Variants in SEPTIN10 observed in about 807,000 individuals in gnomAD.
SEPTIN10 encodes the protein septin 10.
A neutral mutation model predicts 54.8 loss-of-function variants in SEPTIN10; 66 were observed. The ratio of observed to expected loss-of-function variants is 1.21; its 90% CI spans 0.99 to 1.48. The LOEUF is 1.48. Among genes scored for constraint, SEPTIN10 ranks in the 40% most tolerant of loss-of-function variants. The pLI is 0.00. For missense variants in SEPTIN10, 620 were observed against 545.6 expected (o/e 1.14, Z -1.36); for synonymous variants, 161 against 181.0 (o/e 0.89, Z 0.89).
chr2:109,546,592 T>G (rs1406368880), intron 9 of SEPTIN10, among the ~76,000 whole-genome samples: 1 of 151,958 alleles, frequency 6.6e-6, no homozygotes, highest in Non-Finnish European at 1.5e-5. Context: ...ATGCAAAGTA[T>G]AGAAAGAAAT....
At chr2:109,589,321 C>A (rs540733427) in intron 2 of SEPTIN10, among the ~76,000 whole-genome samples, 1 of 151,932 alleles carries the variant, frequency 6.6e-6, no homozygotes, top group Non-Finnish European at 1.5e-5. Context: ...TTACTTGAGG[C>A]CAGGAGTTTG....
chr2:109,559,445 C>T (rs1284846038), intron 8 of SEPTIN10, among the ~76,000 whole-genome samples: 2 of 152,176 alleles, frequency 1.3e-5, no homozygotes, highest in Non-Finnish European at 2.9e-5. Context: ...TGCTCCCACC[C>T]AGTCCGTAGC....
chr2:109,613,773 G>A (rs1228331309), intron 1 of SEPTIN10, 25 bp downstream of exon 1: 26 of 1,217,426 alleles, frequency 2.1e-5, no homozygotes, highest in Non-Finnish European at 2.6e-5. Flanking sequence ...CGCGGGGCTG[G>A]GGCCCCGGCG....
intron 1 of SEPTIN10, among the ~76,000 whole-genome samples, chr2:109,609,058 A>C (rs1698647359): frequency 6.6e-6 from 1 of 152,218 alleles, no homozygotes; most frequent in African/African-American, 2.4e-5. Context: ...TCAATCAATC[A>C]ATCAATTAAT....
chr2:109,608,771 T>TA (rs888944726), intron 1 of SEPTIN10, among the ~76,000 whole-genome samples: 9 of 151,718 alleles, frequency 5.9e-5, no homozygotes, highest in Non-Finnish European at 1.3e-4. Flanking sequence ...ATACAAATCC[T>TA]AAAAAAAAAT....
At chr2:109,561,280 G>C (rs992410284) in intron 8 of SEPTIN10, among the ~76,000 whole-genome samples, 3 of 152,022 alleles carry the variant, frequency 2.0e-5, no homozygotes, top group Non-Finnish European at 1.5e-5. Context: ...AGTTACTACA[G>C]CTCAAAATAG....
At chr2:109,609,342 AAT>A (rs1698717028) in intron 1 of SEPTIN10, among the ~76,000 whole-genome samples, 3 of 79,212 alleles carry the variant, frequency 3.8e-5, no homozygotes. Context: ...TACAAAGAAT[AAT>A]ACAGGTTGCT....
At chr2:109,577,250 T>C (rs1219588368) in intron 4 of SEPTIN10, among the ~76,000 whole-genome samples, 1 of 152,182 alleles carries the variant, frequency 6.6e-6, no homozygotes, top group Admixed American at 6.5e-5. Context: ...TTTTGGTTAA[T>C]AGATGGTAAT....
intron 6 of SEPTIN10, among the ~76,000 whole-genome samples, chr2:109,566,493 T>C (rs73953161): frequency 0.039 from 5,877 of 152,156 alleles, 398 homozygotes; most frequent in African/African-American, 0.13. Flanking sequence ...AAATTACACA[T>C]ACACACACCC....
intron 9 of SEPTIN10, among the ~76,000 whole-genome samples, chr2:109,551,163 C>G (rs1253295720): frequency 6.6e-6 from 1 of 152,170 alleles, no homozygotes; most frequent in Non-Finnish European, 1.5e-5. Flanking sequence ...TGTGCATCTC[C>G]CCATTCTAGT....
At chr2:109,593,200 G>A in intron 1 of SEPTIN10, 81 bp from the exon 2 acceptor site, 1 of 860,862 alleles carries the variant, frequency 1.2e-6, no homozygotes, top group Non-Finnish European at 1.8e-6. Flanking sequence ...ATATTTACAT[G>A]AATAAGGTGT....
In SEPTIN10 at chr2:109,613,828, G is replaced by A; in HGVS notation, c.-1C>T. 8.1e-7 allele frequency: 1 copy of A among 1,237,410 alleles called. No individual in the cohort carries two copies. The highest frequency in any genetic ancestry group is 1.0e-6 in the Non-Finnish European group (1 of 991,900). The allele number at this position is 1,237,410 out of a possible 1,614,324, so 76.7% of individuals were successfully genotyped here. ...GCCGCGCCACCTCGGAGGAGGCCATGGTCGCGGGCAGGGGCACGGTGAAGC... is the reference window on the plus strand; with the variant it reads ...GCCGCGCCACCTCGGAGGAGGCCATAGTCGCGGGCAGGGGCACGGTGAAGC... On this transcript the variant is annotated 5_prime_UTR_variant, in exon 1 of 11. Coordinates refer to ENST00000397712, the MANE Select transcript of SEPTIN10 (RefSeq NM_144710.5).
intron 4 of SEPTIN10, among the ~76,000 whole-genome samples, chr2:109,580,642 A>G (rs552211644): frequency 6.6e-6 from 1 of 152,332 alleles, no homozygotes; most frequent in African/African-American, 2.4e-5. Context: ...AAGAAAAATA[A>G]AGCCTGTCTT....
intron 1 of SEPTIN10, among the ~76,000 whole-genome samples, chr2:109,596,542 A>G (rs1695354767): frequency 6.6e-6 from 1 of 151,960 alleles, no homozygotes; most frequent in Non-Finnish European, 1.5e-5. Flanking sequence ...GCGTGAACCC[A>G]GGAGGCAGAG....
At position 109,542,952 on chromosome 2, in the gene SEPTIN10, G is replaced by T. The variant is rs1680345251; in HGVS notation, c.*1357C>A. The T allele has an allele frequency of 6.6e-6, 1 of 152,550 alleles. No individual in the cohort carries two copies. The allele number at this position is 152,550 out of a possible 1,614,324, so 9.4% of individuals were successfully genotyped here. On this transcript the variant is annotated 3_prime_UTR_variant, in exon 11 of 11. Transcript: ENST00000397712. Reference sequence around the variant, plus strand: ...ATAATTAAATGAACGTTTTTAAAATGAGAGTTTTCAGAAAGGAAAATTAAA... The same window carrying T: ...ATAATTAAATGAACGTTTTTAAAATTAGAGTTTTCAGAAAGGAAAATTAAA...
At chr2:109,573,031 T>C (rs996415539) in intron 5 of SEPTIN10, among the ~76,000 whole-genome samples, 4 of 152,226 alleles carry the variant, frequency 2.6e-5, no homozygotes, top group Admixed American at 6.5e-5. Context: ...TTAGATAATA[T>C]ATACTTACAC....
intron 5 of SEPTIN10, among the ~76,000 whole-genome samples, chr2:109,570,384 G>A (rs1226994143): frequency 2.0e-5 from 3 of 152,000 alleles, no homozygotes; most frequent in African/African-American, 7.3e-5. Context: ...CATCATCTGT[G>A]GGTTCTGCAT....
Position 109,577,540 on chromosome 2 carries a change from C to T in SEPTIN10, c.414-2773G>A, listed in dbSNP as rs560787485. Among the ~76,000 whole-genome samples, 105 of 150,832 alleles carry T rather than the reference C, an allele frequency of 7.0e-4. 1 individual carries two copies. The highest frequency in any genetic ancestry group is 2.4e-3 in the African/African-American group (98 of 41,116). On this transcript the variant is annotated intron_variant, in intron 4 of 10. Coordinates refer to ENST00000397712, the MANE Select transcript of SEPTIN10 (RefSeq NM_144710.5). ...GCAGGAGGTGGAGGTTGCAGTGAGC[C>T]GAGATCGCGCCATTGCATTCTAGCC...
intron 1 of SEPTIN10, among the ~76,000 whole-genome samples, chr2:109,603,440 CCT>C (rs889529665): frequency 5.3e-5 from 8 of 151,954 alleles, no homozygotes; most frequent in African/African-American, 1.9e-4. Flanking sequence ...GGGGTTTCAC[CCT>C]GTTAGCCAAG....
Sources: allele counts gnomAD v4.1 joint callset (sites outside exome capture counted in the v4.1 genomes callset), GRCh38; gene constraint gnomAD v4.1.1; transcripts MANE v1.5; gene names NCBI Gene and HGNC (gene_info 2026-07-23, HGNC 2026-07-21).